Variants in MDGA2 observed in about 807,000 individuals in gnomAD.
MDGA2 encodes the protein MAM domain containing glycosylphosphatidylinositol anchor 2, also known as MAM domain-containing glycosylphosphatidylinositol anchor protein 2.
In MDGA2, 40 loss-of-function variants were observed where a neutral mutation model predicts 117.8. The ratio of observed to expected loss-of-function variants is 0.34; its 90% confidence interval spans 0.26 to 0.44. The LOEUF (loss-of-function observed/expected upper bound fraction) is 0.44, where lower values mean the gene tolerates loss of function less well. Among genes scored for constraint, MDGA2 ranks in the 20% least tolerant of loss-of-function variants. The pLI is 1.00. For synonymous variants in MDGA2, 452 were observed against 439.0 expected, an observed-to-expected ratio of 1.03 and a Z score of -0.37; for missense variants, 1,123 against 1,250.6, an observed-to-expected ratio of 0.90 and a Z score of 1.54.
intron 14 of MDGA2, among the ~76,000 whole-genome samples, chr14:46,864,467 GTAC>G (rs1881643874): frequency 6.8e-6 from 1 of 147,388 alleles, no homozygotes; most frequent in Non-Finnish European, 1.5e-5. Flanking sequence ...GTAAAAGGAT[GTAC>G]TAGACTCCAA....
intron 1 of MDGA2, among the ~76,000 whole-genome samples, chr14:47,435,445 T>G (rs935262455): frequency 3.3e-5 from 5 of 152,098 alleles, no homozygotes; most frequent in Admixed American, 2.0e-4. Context: ...TCAGTGAGTC[T>G]GAGGCATGGA....
At chr14:47,218,243 A>C in intron 2 of MDGA2, 48 bp from the exon 3 acceptor site, 1 of 1,434,578 alleles carries the variant, frequency 7.0e-7, no homozygotes, top group Non-Finnish European at 9.3e-7. Flanking sequence ...GTTTTCCCAC[A>C]GAGAAATCAA....
At chr14:47,044,158 CATTG>C (rs1312295406) in intron 7 of MDGA2, among the ~76,000 whole-genome samples, 1 of 151,646 alleles carries the variant, frequency 6.6e-6, no homozygotes, top group Non-Finnish European at 1.5e-5. Context: ...GTAAGAAAAC[CATTG>C]ATTAATAATC....
At chr14:47,291,504 C>T (rs991763128) in intron 2 of MDGA2, among the ~76,000 whole-genome samples, 4 of 152,184 alleles carry the variant, frequency 2.6e-5, no homozygotes, top group South Asian at 2.1e-4. Flanking sequence ...TTGAAAATAT[C>T]GTGAGTTGAA....
At chr14:47,494,935 A>G (rs6572430) in intron 1 of MDGA2, among the ~76,000 whole-genome samples, 62,168 of 149,336 alleles carry the variant, frequency 0.42, 13,616 homozygotes, top group East Asian at 0.61. Context: ...TATATTTTAC[A>G]TATACACACA....
At chr14:47,498,173 C>T (rs1894321699) in intron 1 of MDGA2, among the ~76,000 whole-genome samples, 1 of 152,166 alleles carries the variant, frequency 6.6e-6, no homozygotes, top group Non-Finnish European at 1.5e-5. Flanking sequence ...ACTAGGTCTA[C>T]TGGACAGGAA....
At chr14:47,205,617 A>AT in intron 3 of MDGA2, among the ~76,000 whole-genome samples, 1 of 152,004 alleles carries the variant, frequency 6.6e-6, no homozygotes, top group Non-Finnish European at 1.5e-5. Context: ...AAATAATCTA[A>AT]AACTTTTGCA....
At chr14:46,905,673 T>C (rs1045249737) in intron 10 of MDGA2, among the ~76,000 whole-genome samples, 35 of 152,242 alleles carry the variant, frequency 2.3e-4, no homozygotes, top group African/African-American at 6.3e-4. Context: ...AGCATCAATA[T>C]GACTGATGAT....
At chr14:46,951,807 G>A (rs72676692) in intron 9 of MDGA2, among the ~76,000 whole-genome samples, 2 of 152,090 alleles carry the variant, frequency 1.3e-5, no homozygotes, top group Non-Finnish European at 2.9e-5. Context: ...GCTAAGCCAT[G>A]CTTGGAATCC....
chr14:47,000,346 TATAC>T (rs1231752785), intron 8 of MDGA2, among the ~76,000 whole-genome samples: 3 of 96,676 alleles, frequency 3.1e-5, no homozygotes, highest in Non-Finnish European at 4.6e-5. Context: ...TATATATATA[TATAC>T]ACACACATAT....
At chr14:47,360,319 C>A (rs1316978647) in intron 1 of MDGA2, among the ~76,000 whole-genome samples, 51 of 147,512 alleles carry the variant, frequency 3.5e-4, no homozygotes, top group Non-Finnish European at 4.5e-5. Context: ...CCATTGCACT[C>A]CAGCCTGGGC....
At chr14:46,934,577 G>T (rs915544611) in intron 9 of MDGA2, among the ~76,000 whole-genome samples, 1 of 151,984 alleles carries the variant, frequency 6.6e-6, no homozygotes, top group African/African-American at 2.4e-5. Context: ...AGATCCAAAT[G>T]GATATTTTGT....
At chr14:47,480,633 G>C (rs143160157) in intron 1 of MDGA2, among the ~76,000 whole-genome samples, 93 of 151,308 alleles carry the variant, frequency 6.1e-4, no homozygotes, top group African/African-American at 2.2e-3. Context: ...TTTCAAAAGT[G>C]ATGAAGATGC....
chr14:47,384,019 G>GATAGATAGATAGATA (rs879472457), intron 1 of MDGA2, among the ~76,000 whole-genome samples: 11 of 107,018 alleles, frequency 1.0e-4, no homozygotes, highest in African/African-American at 3.8e-4. Flanking sequence ...ATAGATAATA[G>GATAGATAGATAGATA]ATAGATTAGA....
chr14:47,563,578 G>GGTT (rs1895857035), intron 1 of MDGA2, among the ~76,000 whole-genome samples: 12 of 56,940 alleles, frequency 2.1e-4, no homozygotes, highest in African/African-American at 1.0e-3. Flanking sequence ...GCTTTTTTCT[G>GGTT]TTTTTTTTTT....
chr14:47,308,703 C>T (rs901743409), intron 1 of MDGA2, among the ~76,000 whole-genome samples: 1 of 151,642 alleles, frequency 6.6e-6, no homozygotes, highest in African/African-American at 2.4e-5. Flanking sequence ...CATTTATCCT[C>T]CCATCAACAG....
chr14:47,574,735 G>C (rs1896085159), intron 1 of MDGA2, among the ~76,000 whole-genome samples: 1 of 152,118 alleles, frequency 6.6e-6, no homozygotes, highest in East Asian at 1.9e-4. Context: ...TATTTAACCT[G>C]AACACCAACA....
intron 11 of MDGA2, among the ~76,000 whole-genome samples, chr14:46,881,347 C>T (rs1030496180): frequency 6.6e-6 from 1 of 151,986 alleles, no homozygotes; most frequent in African/African-American, 2.4e-5. Context: ...ATTGGTTGCC[C>T]GGACTGGAGA....
chr14:47,068,417 A>AT (rs371558396), intron 6 of MDGA2, among the ~76,000 whole-genome samples: 17,934 of 148,182 alleles, frequency 0.12, 1,376 homozygotes, highest in Admixed American at 0.2. Flanking sequence ...AGAAAAAAAA[A>AT]ATATATATAT....
Sources: allele counts gnomAD v4.1 joint callset (sites outside exome capture counted in the v4.1 genomes callset), GRCh38; gene constraint gnomAD v4.1.1; transcripts MANE v1.5; gene names NCBI Gene and HGNC (gene_info 2026-07-23, HGNC 2026-07-21).